LRR1: variants seen among roughly 807,000 people sequenced by gnomAD.
The protein encoded by LRR1 is leucine-rich repeat protein 1.
Under a neutral mutation model 31.6 loss-of-function variants are expected in LRR1, and 29 were observed. The ratio of observed to expected loss-of-function variants is 0.92; its 90% CI spans 0.68 to 1.25. The LOEUF is 1.25. Among genes scored for constraint, LRR1 ranks in the 50% most tolerant of loss-of-function variants. The pLI is 0.00. For synonymous variants in LRR1, 179 were observed against 181.4 expected, an observed-to-expected ratio of 0.99 and a Z score of 0.10; for missense variants, 485 against 487.2, an observed-to-expected ratio of 1.00 and a Z score of 0.04.
chr14:49,611,798 CTG>C (rs1431868837), intron 3 of LRR1, among the ~76,000 whole-genome samples: 1 of 151,876 alleles, frequency 6.6e-6, no homozygotes, highest in East Asian at 1.9e-4. Flanking sequence ...TGGCGGGCAC[CTG>C]TAGTCTCAGC....
At chr14:49,599,805 G>C (rs1011465369) in intron 1 of LRR1, among the ~76,000 whole-genome samples, 1 of 146,406 alleles carries the variant, frequency 6.8e-6, no homozygotes, top group Admixed American at 6.8e-5. Context: ...CCGCGGCGGC[G>C]GCAGCGCCGC....
At chr14:49,605,941 G>C (rs1379889181) in intron 2 of LRR1, among the ~76,000 whole-genome samples, 3 of 151,664 alleles carry the variant, frequency 2.0e-5, no homozygotes, top group African/African-American at 7.3e-5. Flanking sequence ...GTTGGCATCT[G>C]AGCTCATTTA....
chr14:49,614,462 G>A lies in LRR1; in HGVS notation c.1211G>A (p.Gly404Asp), dbSNP rs1191607319. ...ATTATCTCTTATTTCTGTTCTCTAG[G>A]CTGTTATGTTAATTCCTCTGATATG... Reference protein sequence around the residue: ...APIISYFCSLGCYVNSSDMLK With the variant: ...APIISYFCSLDCYVNSSDMLK The change falls in exon 4 of 4, where the codon GGC becomes GAC. Residue 404 changes from glycine to aspartate, a missense_variant. Coordinates refer to ENST00000298288, the MANE Select transcript of LRR1 (RefSeq NM_152329.4). 1 of 1,613,858 alleles carries A rather than the reference G, an allele frequency of 6.2e-7. No homozygotes were observed. Among genetic ancestry groups the A allele is most frequent in the Admixed American group, 1.7e-5 (1 of 59,994 alleles).
At chr14:49,601,660 G>A (rs1389571889) in intron 1 of LRR1, 1 of 1,289,574 alleles carries the variant, frequency 7.8e-7, no homozygotes, top group South Asian at 1.2e-5. Context: ...GCAAGTAACT[G>A]CTATTGGCAA....
At chr14:49,613,898 G>A (rs888288349) in intron 3 of LRR1, among the ~76,000 whole-genome samples, 15 of 152,192 alleles carry the variant, frequency 9.9e-5, no homozygotes, top group Non-Finnish European at 1.6e-4. Flanking sequence ...GGTAAGGTTA[G>A]CCTTACTTGC....
At position 49,612,893 on chromosome 14, in the gene LRR1, A is replaced by G. The variant is rs117744620; in HGVS notation, c.1005-1363A>G. The stretch of plus-strand genomic sequence containing the variant: ...TCAAGACTGTGTTTTAGTGTCTTGT[A>G]GATGATTTAAAAACTTGACCTCAAG... On this transcript the variant is annotated intron_variant, in intron 3 of 3. Transcript: ENST00000298288. 5.5e-4 allele frequency among the ~76,000 whole-genome samples: 83 copies of G among 152,208 alleles called. 1 individual carries two copies. The East Asian group carries it at 0.016, about 29-fold the overall frequency.
Position 49,614,511 on chromosome 14 carries a change from A to G in LRR1, c.*15A>G. ...TGTTAAAGTAATGGGTGAGACCAGA[A>G]AAAGAAATTTCAATAACAGATCAGT... On this transcript the variant is annotated 3_prime_UTR_variant, in exon 4 of 4. Coordinates refer to ENST00000298288, the MANE Select transcript of LRR1 (RefSeq NM_152329.4). The G allele has an allele frequency of 1.2e-6, 2 of 1,613,044 alleles. No homozygotes were observed. Among genetic ancestry groups the G allele is most frequent in the Non-Finnish European group, 1.7e-6 (2 of 1,179,630 alleles).
chr14:49,601,646 G>A, intron 1 of LRR1: 1 of 1,289,544 alleles, frequency 7.8e-7, no homozygotes, highest in Non-Finnish European at 1.0e-6. Flanking sequence ...CTGAAGTTAT[G>A]AAGGCAAGTA....
chr14:49,607,375 A>T, intron 2 of LRR1, 25 bp from the exon 3 acceptor site: 1 of 1,522,076 alleles, frequency 6.6e-7, no homozygotes, highest in Non-Finnish European at 8.8e-7. Context: ...TGGAATTTAT[A>T]ATTCTACAAC....
At chr14:49,612,559 T>C (rs1022614223) in intron 3 of LRR1, 83 of 1,198,254 alleles carry the variant, frequency 6.9e-5, no homozygotes, top group Non-Finnish European at 8.6e-5. Context: ...AAGCAACAGA[T>C]TAATAAGTCT....
At chr14:49,611,330 C>G (rs969948153) in intron 3 of LRR1, among the ~76,000 whole-genome samples, 1 of 151,978 alleles carries the variant, frequency 6.6e-6, no homozygotes, top group African/African-American at 2.4e-5. Flanking sequence ...CAAAAATTAG[C>G]CGGGCATGGT....
chr14:49,611,450 GGGA>G (rs1422699403), intron 3 of LRR1, among the ~76,000 whole-genome samples: 1 of 152,100 alleles, frequency 6.6e-6, no homozygotes, highest in African/African-American at 2.4e-5. Flanking sequence ...ACTCCAGCTT[GGGA>G]GTGCAGATTG....
At chr14:49,603,705 TTTTA>T in intron 2 of LRR1, 1 of 801,508 alleles carries the variant, frequency 1.2e-6, no homozygotes, top group Non-Finnish European at 1.4e-6. Context: ...TTTTTTTTTT[TTTTA>T]ATGAGACAGA....
chr14:49,612,429 T>C (rs1214431699), intron 3 of LRR1: 1 of 1,179,502 alleles, frequency 8.5e-7, no homozygotes, highest in Non-Finnish European at 1.1e-6. Context: ...TTATGTCAGA[T>C]AGAAAATACA....
At position 49,602,421 on chromosome 14, in the gene LRR1, G is replaced by T. The variant is rs763080897; in HGVS notation, c.235G>T (p.Ala79Ser). The T allele has an allele frequency of 1.2e-6, 2 of 1,613,852 alleles. No homozygotes were observed. The highest frequency in any genetic ancestry group is 1.7e-6 in the Non-Finnish European group (2 of 1,179,964). The change falls in exon 2 of 4, where the codon GCC (alanine) becomes TCC (serine). Residue 79 changes from alanine to serine, a missense_variant. Physicochemically the swap from Ala to Ser is moderately conservative, Grantham distance 99. Transcript: ENST00000298288. ...FFTKFVDEGK[A>S]TVRLKEPPVD... The stretch of plus-strand genomic sequence containing the variant: ...CACCAAATTTGTAGATGAGGGGAAA[G>T]CCACTGTTCGGTTAAAGGAGCCTCC...
intron 1 of LRR1, 144 bp downstream of exon 1, chr14:49,599,347 C>T (rs987614185): frequency 3.3e-6 from 3 of 908,672 alleles, no homozygotes; most frequent in African/African-American, 3.4e-5. Flanking sequence ...TGAGACCTAC[C>T]ATCAGCCCGA....
At chr14:49,611,940 GAAAA>G (rs1882530196) in intron 3 of LRR1, among the ~76,000 whole-genome samples, 2 of 144,894 alleles carry the variant, frequency 1.4e-5, no homozygotes, top group African/African-American at 5.0e-5. Flanking sequence ...AAAAAAAAAA[GAAAA>G]GAAAGAAATT....
At chr14:49,611,923 CAA>C (rs61699129) in intron 3 of LRR1, among the ~76,000 whole-genome samples, 116 of 126,870 alleles carry the variant, frequency 9.1e-4, no homozygotes, top group Middle Eastern at 4.1e-3. Context: ...GACTGCGTCT[CAA>C]AAAAAAAAAA....
intron 3 of LRR1, among the ~76,000 whole-genome samples, chr14:49,613,397 C>G (rs374429761): frequency 6.7e-6 from 1 of 150,356 alleles, no homozygotes; most frequent in African/African-American, 2.5e-5. Context: ...CCCAGCTACT[C>G]GGGAGGCTGA....
Sources: gnomAD v4.1 joint callset for allele counts (sites outside exome capture counted in the v4.1 genomes callset) on GRCh38, gnomAD v4.1.1 for gene constraint, MANE v1.5 for transcripts, NCBI Gene and HGNC (gene_info 2026-07-23, HGNC 2026-07-21) for gene names.